Variants in PLPPR1 observed in about 807,000 individuals in gnomAD.
PLPPR1 encodes the protein phospholipid phosphatase related 1.
Under a neutral mutation model 33.1 loss-of-function variants are expected in PLPPR1, and 10 were observed. That is an observed-to-expected ratio of 0.30 (90% CI 0.19 to 0.51). The LOEUF is 0.51. Among genes scored for constraint, PLPPR1 ranks in the 20% least tolerant of loss-of-function variants. PLPPR1 has a pLI of 0.97. For synonymous variants in PLPPR1, 151 were observed against 151.0 expected (o/e 1.00, Z 0.00); for missense variants, 304 against 408.1 (o/e 0.74, Z 2.20).
chr9:101,038,287 T>A (rs944933271), intron 1 of PLPPR1, among the ~76,000 whole-genome samples: 3 of 152,126 alleles, frequency 2.0e-5, no homozygotes, highest in African/African-American at 7.2e-5. Flanking sequence ...AAAATAGAGC[T>A]CAGTTGATAT....
At chr9:101,154,896 G>T (rs1297475918) in intron 1 of PLPPR1, among the ~76,000 whole-genome samples, 2 of 145,898 alleles carry the variant, frequency 1.4e-5, no homozygotes, top group South Asian at 2.2e-4. Context: ...TCACTCATAG[G>T]TGGGAATTGA....
chr9:101,153,073 C>G (rs1083049), intron 1 of PLPPR1, among the ~76,000 whole-genome samples: 92,155 of 151,946 alleles, frequency 0.61, 28,665 homozygotes, highest in African/African-American at 0.73. Context: ...CTTTTATTTC[C>G]TTGAGCAGTG....
At chr9:101,323,458 A>C (rs527294485) in intron 7 of PLPPR1, among the ~76,000 whole-genome samples, 11 of 142,302 alleles carry the variant, frequency 7.7e-5, no homozygotes, top group Admixed American at 7.0e-4. Context: ...GTGACAGAGT[A>C]AACCCTGTCT....
intron 4 of PLPPR1, among the ~76,000 whole-genome samples, chr9:101,290,757 T>C (rs370919356): frequency 1.3e-5 from 2 of 152,338 alleles, no homozygotes; most frequent in East Asian, 1.9e-4. Context: ...ATTCATGATA[T>C]GTGAAAAGTT....
intron 1 of PLPPR1, among the ~76,000 whole-genome samples, chr9:101,153,715 CA>C (rs1831631885): frequency 6.6e-6 from 1 of 151,928 alleles, no homozygotes; most frequent in Admixed American, 6.6e-5. Flanking sequence ...GCTGGGACTA[CA>C]GGTGCCTGCC....
At chr9:101,125,681 A>G in intron 1 of PLPPR1, 1 of 622,196 alleles carries the variant, frequency 1.6e-6, no homozygotes, top group Non-Finnish European at 2.9e-6. Flanking sequence ...CAAAACAATG[A>G]CCATTGTAAC....
Position 101,309,373 on chromosome 9 carries a change from C to T in PLPPR1, c.548C>T (p.Thr183Ile), listed in dbSNP as rs1828915355. 1.2e-6 allele frequency: 2 copies of T among 1,613,972 alleles called. No individual in the cohort carries two copies. Among genetic ancestry groups the T allele is most frequent in the Admixed American group, 1.7e-5 (1 of 59,988 alleles). Residue 183 changes from threonine (T) to isoleucine (I), a missense_variant, in exon 5 of 8, where the codon ACT becomes ATT. By Grantham distance (89) the Thr-to-Ile change is moderately conservative. Transcript: ENST00000374874. ...TTTATAAACAATGGGAACATTTGTA[C>T]TGGGGACCTGGAAGTGATAGAAAAG... The part of the protein sequence containing the change: ...HQFINNGNIC[T>I]GDLEVIEKAR...
intron 1 of PLPPR1, among the ~76,000 whole-genome samples, chr9:101,138,356 C>T (rs1831404275): frequency 6.6e-6 from 1 of 152,158 alleles, no homozygotes; most frequent in Admixed American, 6.6e-5. Context: ...ACTGCTGTAT[C>T]CCAAAGATTA....
In PLPPR1 at chr9:101,187,845, G is replaced by A. The variant is rs574476218; in HGVS notation, c.63+2288G>A. On this transcript the variant is annotated intron_variant, in intron 2 of 7. Transcript: ENST00000374874. ...TATTTGCTTCAAATATTTTTGTCAA[G>A]GAAAATAAAATGTTACAGATATGGC... 1.8e-4 allele frequency: 27 copies of A among 151,868 alleles called. No homozygotes were observed. In the South Asian group the frequency reaches 5.4e-3, roughly 30 times the overall value. The allele number at this position is 151,868 out of a possible 1,614,324, so 9.4% of individuals were successfully genotyped here.
At chr9:101,183,650 G>A (rs1258976262) in intron 1 of PLPPR1, among the ~76,000 whole-genome samples, 4 of 151,230 alleles carry the variant, frequency 2.6e-5, no homozygotes, top group African/African-American at 4.9e-5. Flanking sequence ...GAGTGAATTG[G>A]TATATATAAA....
chr9:101,263,892 C>T (rs921720504), intron 2 of PLPPR1, among the ~76,000 whole-genome samples: 2 of 151,932 alleles, frequency 1.3e-5, no homozygotes, highest in African/African-American at 4.8e-5. Flanking sequence ...TCTCCTTCTC[C>T]TTTTCTTCCT....
chr9:101,070,968 A>G (rs564288141), intron 1 of PLPPR1, among the ~76,000 whole-genome samples: 1 of 151,838 alleles, frequency 6.6e-6, no homozygotes, highest in East Asian at 2.0e-4. Flanking sequence ...CTTTATCTAG[A>G]GTGGGATTGT....
chr9:101,243,215 G>A (rs751035876), intron 2 of PLPPR1, among the ~76,000 whole-genome samples: 10 of 152,098 alleles, frequency 6.6e-5, no homozygotes, highest in East Asian at 1.9e-4. Flanking sequence ...GACCCAGGTC[G>A]TCAGAATCTT....
intron 2 of PLPPR1, among the ~76,000 whole-genome samples, chr9:101,214,360 C>T (rs993640944): frequency 6.6e-6 from 1 of 152,118 alleles, no homozygotes. Flanking sequence ...AGCACTTTGT[C>T]ATGTCACATT....
At chr9:101,179,768 T>C (rs1377427088) in intron 1 of PLPPR1, among the ~76,000 whole-genome samples, 1 of 152,046 alleles carries the variant, frequency 6.6e-6, no homozygotes, top group Non-Finnish European at 1.5e-5. Context: ...AAAGTATTAA[T>C]CCTGAGTGTG....
intron 1 of PLPPR1, among the ~76,000 whole-genome samples, chr9:101,051,443 C>T (rs1235293471): frequency 6.6e-6 from 1 of 152,110 alleles, no homozygotes; most frequent in Admixed American, 6.6e-5. Context: ...CTTTCTTCCT[C>T]ACCTTATTTT....
intron 2 of PLPPR1, among the ~76,000 whole-genome samples, chr9:101,203,291 A>AT (rs1373840826): frequency 6.6e-6 from 1 of 152,162 alleles, no homozygotes; most frequent in Non-Finnish European, 1.5e-5. Context: ...TGTTTTTGCC[A>AT]TTACTTTTAA....
At chr9:101,206,253 C>G (rs1248888636) in intron 2 of PLPPR1, among the ~76,000 whole-genome samples, 1 of 152,148 alleles carries the variant, frequency 6.6e-6, no homozygotes, top group Non-Finnish European at 1.5e-5. Context: ...CATACTCATA[C>G]TCAGGACAGG....
intron 1 of PLPPR1, chr9:101,185,052 A>T (rs1826180809): frequency 1.3e-5 from 2 of 153,042 alleles, no homozygotes; most frequent in Admixed American, 1.3e-4. Context: ...TAGGTTGCAA[A>T]TTGGGAGGAT....
Sources: allele counts gnomAD v4.1 joint callset (sites outside exome capture counted in the v4.1 genomes callset), GRCh38; gene constraint gnomAD v4.1.1; transcripts MANE v1.5; gene names NCBI Gene and HGNC (gene_info 2026-07-23, HGNC 2026-07-21).